Variants in SRRM3 observed in about 807,000 individuals in gnomAD.
SRRM3 encodes the protein serine/arginine repetitive matrix protein 3.
A neutral mutation model predicts 66.2 loss-of-function variants in SRRM3; 27 were observed. That is an observed-to-expected ratio of 0.41 (90% CI 0.30 to 0.56). The LOEUF is 0.56. Among genes scored for constraint, SRRM3 ranks in the 20% least tolerant of loss-of-function variants. The pLI, the probability that SRRM3 is intolerant of heterozygous loss-of-function variation, is 0.32. For missense variants in SRRM3, 918 were observed against 991.9 expected (o/e 0.93, Z 1.00); for synonymous variants, 391 against 414.9 (o/e 0.94, Z 0.70).
At chr7:76,238,645 G>A (rs561272275) in intron 2 of SRRM3, among the ~76,000 whole-genome samples, 27 of 152,130 alleles carry the variant, frequency 1.8e-4, no homozygotes, top group African/African-American at 6.0e-4. Flanking sequence ...TTATCTTCTT[G>A]CCATGCCTCT....
chr7:76,260,526 T>G lies in SRRM3; in HGVS notation c.545+329T>G, dbSNP rs115149964. On this transcript the variant is annotated intron_variant, in intron 5 of 14. Transcript: ENST00000611745. ...CTCTAGGACCCGCCCCTCATCGAGG[T>G]CCTCTCCCCACTAGGCCCCACCCCT... Among the ~76,000 whole-genome samples, 760 of 84,370 alleles carry G rather than the reference T, an allele frequency of 9.0e-3. 9 individuals carry two copies. Among genetic ancestry groups the G allele is most frequent in the African/African-American group, 0.031 (713 of 23,142 alleles). 55.3% of individuals were successfully genotyped at this position (84,370 alleles called of 152,430 possible).
At chr7:76,220,269 T>A (rs1054345758) in intron 1 of SRRM3, among the ~76,000 whole-genome samples, 1 of 151,880 alleles carries the variant, frequency 6.6e-6, no homozygotes, top group African/African-American at 2.4e-5. Context: ...AGCCACAGGG[T>A]GACAGCAGAG....
chr7:76,250,887 A>T (rs911713239), intron 3 of SRRM3, among the ~76,000 whole-genome samples: 15 of 152,266 alleles, frequency 9.9e-5, no homozygotes, highest in East Asian at 9.7e-4. Flanking sequence ...GACTGGATTC[A>T]TCTCTGTTTC....
At chr7:76,225,122 G>C (rs959803745) in intron 1 of SRRM3, among the ~76,000 whole-genome samples, 12 of 152,278 alleles carry the variant, frequency 7.9e-5, no homozygotes, top group African/African-American at 2.9e-4. Context: ...CCATTTTACA[G>C]ATGAGGAAAC....
At chr7:76,203,510 T>C (rs1306637302) in intron 1 of SRRM3, among the ~76,000 whole-genome samples, 8 of 152,114 alleles carry the variant, frequency 5.3e-5, no homozygotes, top group African/African-American at 1.9e-4. Context: ...TGTTAGTAAA[T>C]AGGAGACAAG....
chr7:76,226,909 G>A (rs781855757), intron 1 of SRRM3, among the ~76,000 whole-genome samples: 2 of 152,186 alleles, frequency 1.3e-5, no homozygotes, highest in Non-Finnish European at 2.9e-5. Context: ...CACACTTAGA[G>A]TTAGTATTAC....
Position 76,285,187 on chromosome 7 carries a change from C to T in SRRM3, c.1734-428C>T, listed in dbSNP as rs1802629519. On this transcript the variant is annotated intron_variant, in intron 14 of 14. Coordinates refer to ENST00000611745, the MANE Select transcript of SRRM3 (RefSeq NM_001110199.3). This position sits in a 1 kb window ranked among gnomAD's most constrained non-coding sequence, Gnocchi z 4.1. Reference sequence around the variant, plus strand: ...CAAGCGATCCTCCCACCTCAGCCTCCCAAGTAGCTGGGATTACAGGTGCAC... The same window carrying T: ...CAAGCGATCCTCCCACCTCAGCCTCTCAAGTAGCTGGGATTACAGGTGCAC... 5.9e-6 allele frequency: 1 copy of T among 168,468 alleles called. No individual in the cohort carries two copies. The highest frequency in any genetic ancestry group is 1.3e-5 in the Non-Finnish European group (1 of 78,390). 10.4% of individuals were successfully genotyped at this position (168,468 alleles called of 1,614,324 possible). A position where few individuals can be genotyped will look rare whatever the true frequency, so the allele number is the denominator to read the frequency against.
chr7:76,247,436 T>A (rs1894761), intron 2 of SRRM3, among the ~76,000 whole-genome samples: 1 of 151,646 alleles, frequency 6.6e-6, no homozygotes, highest in African/African-American at 2.4e-5. Flanking sequence ...TGGGATGTCA[T>A]GGAGGCCAGG....
chr7:76,211,701 C>T (rs1014711631), intron 1 of SRRM3, among the ~76,000 whole-genome samples: 1 of 152,042 alleles, frequency 6.6e-6, no homozygotes. Context: ...TGCAGAGGTA[C>T]CTGCCCCAGT....
intron 2 of SRRM3, among the ~76,000 whole-genome samples, chr7:76,247,590 C>T (rs1801473760): frequency 1.3e-5 from 2 of 152,100 alleles, no homozygotes; most frequent in Admixed American, 1.3e-4. Context: ...CTCAGCCTCA[C>T]CTGAGGGGCG....
chr7:76,204,519 A>G (rs2116918819), intron 1 of SRRM3, among the ~76,000 whole-genome samples: 1 of 152,198 alleles, frequency 6.6e-6, no homozygotes, highest in African/African-American at 2.4e-5. Flanking sequence ...ACCCAACCCC[A>G]CTGCCTCAGG....
intron 8 of SRRM3, among the ~76,000 whole-genome samples, chr7:76,264,346 A>G (rs1331492880): frequency 6.6e-6 from 1 of 151,624 alleles, no homozygotes; most frequent in Admixed American, 6.6e-5. Flanking sequence ...TTGTATTTTT[A>G]GTAGAGACTG....
intron 1 of SRRM3, among the ~76,000 whole-genome samples, chr7:76,223,026 G>A (rs1301784542): frequency 6.6e-6 from 1 of 152,020 alleles, no homozygotes; most frequent in Non-Finnish European, 1.5e-5. Context: ...TCCTACTTAT[G>A]CTTCAAGATC....
rs1166700566 is a variant in SRRM3, at chr7:76,285,816, G to A, written c.1935G>A (p.Arg645=). The change falls in exon 15 of 15, where the codon CGG becomes CGA. Residue 645 remains arginine (R), a synonymous_variant. Coordinates refer to ENST00000611745, the MANE Select transcript of SRRM3 (RefSeq NM_001110199.3). This position sits in a 1 kb window ranked among gnomAD's most constrained non-coding sequence, Gnocchi z 4.1. ...CCCCCAGTCCCAGCTACCACAGCCG[G>A]AGCAGCTCTGAGAGCGGGGGCTTCT... ...SRTPSPSYHS[R]SSSESGGF 7 of 1,550,420 alleles carry A rather than the reference G, an allele frequency of 4.5e-6. No individual in the cohort carries two copies. The African/African-American group carries it at 8.2e-5, about 18-fold the overall frequency.
At chr7:76,244,896 T>C (rs1554606026) in intron 2 of SRRM3, among the ~76,000 whole-genome samples, 1 of 152,254 alleles carries the variant, frequency 6.6e-6, no homozygotes, top group Non-Finnish European at 1.5e-5. Context: ...CATTTTTGGA[T>C]GCCACAATGT....
intron 1 of SRRM3, among the ~76,000 whole-genome samples, chr7:76,216,191 T>C (rs182602357): frequency 3.9e-5 from 6 of 151,980 alleles, no homozygotes; most frequent in Middle Eastern, 6.8e-3. Flanking sequence ...TGACCTCAGG[T>C]GATCCCCCAG....
intron 3 of SRRM3, among the ~76,000 whole-genome samples, chr7:76,251,831 G>A (rs1168398746): frequency 2.0e-5 from 3 of 152,114 alleles, no homozygotes; most frequent in African/African-American, 7.2e-5. Context: ...GGGAGGCTGA[G>A]GCGGTTGGAT....
intron 12 of SRRM3, among the ~76,000 whole-genome samples, chr7:76,282,404 T>TC (rs1353519693): frequency 1.1e-5 from 1 of 91,810 alleles, no homozygotes; most frequent in Non-Finnish European, 2.2e-5. Context: ...CTGATCACTC[T>TC]CCCCCCATCC....
chr7:76,256,749 G>C (rs1436474045), intron 3 of SRRM3, among the ~76,000 whole-genome samples: 13 of 105,584 alleles, frequency 1.2e-4, no homozygotes, highest in Non-Finnish European at 2.1e-4. Context: ...CATCCTTTTT[G>C]CCCAGGCTAG....
Sources: gnomAD v4.1 joint callset for allele counts (sites outside exome capture counted in the v4.1 genomes callset) on GRCh38, gnomAD v4.1.1 for gene constraint, Gnocchi (gnomAD v3.1) non-coding constraint, MANE v1.5 for transcripts, NCBI Gene and HGNC (gene_info 2026-07-23, HGNC 2026-07-21) for gene names.